Variants in CACNB2 observed in about 807,000 individuals in gnomAD.
The protein encoded by CACNB2 is voltage-dependent L-type calcium channel subunit beta-2.
Under a neutral mutation model 73.3 loss-of-function variants are expected in CACNB2, and 42 were observed. The observed-to-expected ratio is 0.57, with a 90% confidence interval of 0.45 to 0.74. The LOEUF is 0.74. Ranked by LOEUF, CACNB2 falls within the 30% of genes least tolerant of loss-of-function variation. The pLI, the probability that CACNB2 is intolerant of heterozygous loss-of-function variation, is 0.00. For synonymous variants in CACNB2, 348 were observed against 310.3 expected, an observed-to-expected ratio of 1.12 and a Z score of -1.28; for missense variants, 940 against 853.0, an observed-to-expected ratio of 1.10 and a Z score of -1.27.
At position 18,344,629 on chromosome 10, in the gene CACNB2, C is replaced by A. The variant is rs187813110; in HGVS notation, c.214-57295C>A. On this transcript the variant is annotated intron_variant, in intron 2 of 13. Transcript: ENST00000324631. ...TCAGGTGATCCACCCACCTCGGCCTCCCAAAGTGCTGGAATTACAGGTGTG... is the reference window on the plus strand; with the variant it reads ...TCAGGTGATCCACCCACCTCGGCCTACCAAAGTGCTGGAATTACAGGTGTG... Among the ~76,000 whole-genome samples the A allele has an allele frequency of 4.5e-4, 68 of 152,144 alleles. 2 individuals carry two copies. The highest frequency in any genetic ancestry group is 4.0e-3 in the Admixed American group (61 of 15,270).
intron 3 of CACNB2, among the ~76,000 whole-genome samples, chr10:18,419,551 T>C (rs1446719745): frequency 6.6e-6 from 1 of 152,158 alleles, no homozygotes; most frequent in Admixed American, 6.5e-5. Context: ...GGGGTGGTAG[T>C]TGAGTCAGGA....
chr10:18,353,822 A>C (rs1432972518), intron 2 of CACNB2, among the ~76,000 whole-genome samples: 1 of 152,214 alleles, frequency 6.6e-6, no homozygotes, highest in Non-Finnish European at 1.5e-5. Context: ...TAGTCTGCTA[A>C]CTCTGACAAA....
chr10:18,219,736 T>C (rs959220399), intron 2 of CACNB2, among the ~76,000 whole-genome samples: 1 of 151,868 alleles, frequency 6.6e-6, no homozygotes, highest in African/African-American at 2.4e-5. Flanking sequence ...ATTCATCTTA[T>C]CTCTGGCTTT....
chr10:18,452,194 A>C (rs774752262), intron 3 of CACNB2, among the ~76,000 whole-genome samples: 2 of 152,226 alleles, frequency 1.3e-5, no homozygotes, highest in African/African-American at 2.4e-5. Flanking sequence ...GAGACTGAGC[A>C]GGAGGATTGC....
intron 3 of CACNB2, among the ~76,000 whole-genome samples, chr10:18,492,432 C>T (rs1202174701): frequency 1.3e-5 from 2 of 152,046 alleles, no homozygotes; most frequent in Admixed American, 1.3e-4. Context: ...ACCAGTATGG[C>T]CAACACGGCA....
intron 2 of CACNB2, among the ~76,000 whole-genome samples, chr10:18,363,828 G>T (rs1265886096): frequency 6.6e-6 from 1 of 150,822 alleles, no homozygotes; most frequent in Non-Finnish European, 1.5e-5. Flanking sequence ...AAATAGGTTT[G>T]GTTTAAAAAC....
intron 2 of CACNB2, among the ~76,000 whole-genome samples, chr10:18,374,886 C>A (rs147826936): frequency 1.8e-4 from 27 of 152,176 alleles, no homozygotes; most frequent in African/African-American, 5.8e-4. Context: ...GTCCAGTAGC[C>A]CCTAGACTCT....
At chr10:18,166,276 G>C (rs78822530) in intron 2 of CACNB2, among the ~76,000 whole-genome samples, 4 of 149,422 alleles carry the variant, frequency 2.7e-5, no homozygotes, top group Admixed American at 2.0e-4. Context: ...TTTTTTTTTT[G>C]AGACAGACTG....
At position 18,361,841 on chromosome 10, in the gene CACNB2, G is replaced by A. The variant is rs374616617; in HGVS notation, c.214-40083G>A. Among the ~76,000 whole-genome samples the A allele has an allele frequency of 8.6e-5, 13 of 152,012 alleles. No individual in the cohort carries two copies. In the East Asian group the frequency reaches 1.4e-3, roughly 16 times the overall value. On this transcript the variant is annotated intron_variant, in intron 2 of 13. Transcript: ENST00000324631. ...TAGGCCAGGCTGGTCTTGAACTCCT[G>A]ACCTCAAGCAATCTGCCCGCCTCTA...
intron 2 of CACNB2, among the ~76,000 whole-genome samples, chr10:18,349,011 CT>C (rs2041593119): frequency 6.6e-6 from 1 of 152,180 alleles, no homozygotes; most frequent in African/African-American, 2.4e-5. Context: ...ATCCCAGCTC[CT>C]TGGGAGGCTG....
chr10:18,148,785 A>T (rs145931489), intron 1 of CACNB2, among the ~76,000 whole-genome samples: 11 of 152,226 alleles, frequency 7.2e-5, no homozygotes, highest in Admixed American at 3.9e-4. Context: ...GCTTAAAGTC[A>T]TGAGTTCAAG....
chr10:18,380,752 G>A (rs965517659), intron 2 of CACNB2, among the ~76,000 whole-genome samples: 17 of 151,896 alleles, frequency 1.1e-4, no homozygotes, highest in African/African-American at 3.4e-4. Context: ...ACCACGCCCC[G>A]CCAAAACATG....
At chr10:18,244,241 A>G (rs1053302190) in intron 2 of CACNB2, among the ~76,000 whole-genome samples, 1 of 152,234 alleles carries the variant, frequency 6.6e-6, no homozygotes, top group East Asian at 1.9e-4. Flanking sequence ...AAAAGAGTTC[A>G]TTCTGGAACC....
chr10:18,536,243 CTTTTTTT>C (rs904187820), intron 12 of CACNB2, 47 bp downstream of exon 12: 35 of 283,048 alleles, frequency 1.2e-4, no homozygotes, highest in South Asian at 1.8e-4. Flanking sequence ...GAGATCAGAC[CTTTTTTT>C]TTTTTTTTTT....
intron 6 of CACNB2, among the ~76,000 whole-genome samples, chr10:18,512,245 T>C (rs1403967251): frequency 6.6e-6 from 1 of 152,204 alleles, no homozygotes; most frequent in Admixed American, 6.5e-5. Context: ...ACTCTGCCTC[T>C]TTTGTTAAAC....
At chr10:18,508,946 A>T (rs2050625691) in intron 6 of CACNB2, among the ~76,000 whole-genome samples, 1 of 152,228 alleles carries the variant, frequency 6.6e-6, no homozygotes, top group African/African-American at 2.4e-5. Context: ...TTGTAGGCAG[A>T]TGTTTGACAT....
At chr10:18,255,262 C>A (rs1473057293) in intron 2 of CACNB2, among the ~76,000 whole-genome samples, 2 of 152,120 alleles carry the variant, frequency 1.3e-5, no homozygotes, top group Non-Finnish European at 2.9e-5. Flanking sequence ...CTTTATTCTC[C>A]AACTGCTTAA....
intron 3 of CACNB2, among the ~76,000 whole-genome samples, chr10:18,472,655 T>C (rs2048253679): frequency 6.6e-6 from 1 of 152,206 alleles, no homozygotes; most frequent in South Asian, 2.1e-4. Context: ...TTAGTGTCTT[T>C]GGTTTAAATT....
At chr10:18,243,053 A>G (rs73597558) in intron 2 of CACNB2, among the ~76,000 whole-genome samples, 1 of 151,638 alleles carries the variant, frequency 6.6e-6, no homozygotes, top group Non-Finnish European at 1.5e-5. Flanking sequence ...AGTCTTGAAC[A>G]TATATTGAGA....
Sources: allele counts gnomAD v4.1 joint callset (sites outside exome capture counted in the v4.1 genomes callset), GRCh38; gene constraint gnomAD v4.1.1; transcripts MANE v1.5; gene names NCBI Gene and HGNC (gene_info 2026-07-23, HGNC 2026-07-21).